The following OAS3 variants were observed in gnomAD, a reference collection of about 807,000 sequenced individuals.
OAS3 encodes 2'-5'-oligoadenylate synthetase 3, also known as 2'-5'-oligoadenylate synthase 3.
OAS3 carries 107 observed loss-of-function variants against 113.0 expected under a neutral mutation model. The ratio of observed to expected loss-of-function variants is 0.95; its 90% confidence interval spans 0.81 to 1.11. The LOEUF is 1.11. Ranked by LOEUF, OAS3 falls within the 50% of genes most tolerant of loss-of-function variation. The pLI is 0.00. For missense variants in OAS3, 1,258 were observed against 1,389.1 expected (o/e 0.91, Z 1.50); for synonymous variants, 552 against 573.6 (o/e 0.96, Z 0.54).
intron 8 of OAS3, among the ~76,000 whole-genome samples, chr12:112,962,063 C>G (rs1421335286): frequency 1.3e-5 from 2 of 152,216 alleles, no homozygotes; most frequent in East Asian, 3.9e-4. Context: ...TCCCAAAATG[C>G]TAGAATTACA....
chr12:112,964,684 C>T (rs943824457), intron 11 of OAS3, among the ~76,000 whole-genome samples: 3 of 151,856 alleles, frequency 2.0e-5, no homozygotes, highest in African/African-American at 4.8e-5. Flanking sequence ...GGCTGCTTAC[C>T]GGCATAGCTA....
At chr12:112,969,804 G>A in intron 15 of OAS3, 49 bp downstream of exon 15, 2 of 1,604,786 alleles carry the variant, frequency 1.2e-6, no homozygotes, top group Non-Finnish European at 8.5e-7. Context: ...GGTAAGGGGG[G>A]AGCATGGTCA....
intron 1 of OAS3, among the ~76,000 whole-genome samples, chr12:112,939,247 A>T (rs1168196231): frequency 6.8e-6 from 1 of 147,622 alleles, no homozygotes; most frequent in Non-Finnish European, 1.5e-5. Flanking sequence ...GTATTATTGT[A>T]CCTGTTTTAT....
chr12:112,939,828 G>C (rs2043663226), intron 1 of OAS3, among the ~76,000 whole-genome samples: 1 of 152,218 alleles, frequency 6.6e-6, no homozygotes, highest in Non-Finnish European at 1.5e-5. Flanking sequence ...GTGTGCTAGA[G>C]GAGGTTGTCA....
intron 7 of OAS3, among the ~76,000 whole-genome samples, chr12:112,953,182 C>T (rs1020418571): frequency 1.3e-5 from 2 of 152,078 alleles, no homozygotes; most frequent in Non-Finnish European, 2.9e-5. Context: ...GTTCCCCACC[C>T]CGTGTCCAAG....
At position 112,972,075 on chromosome 12, in the gene OAS3, C is replaced by T. The variant is rs1317394329; in HGVS notation, c.*2102C>T. On this transcript the variant is annotated 3_prime_UTR_variant, in exon 16 of 16. Transcript: ENST00000228928. ...CCAAGTTGTCCAGCAGCAGAGTGGC[C>T]CTGGCCTGGGCATCACAAGCCAGTG... 1 of 152,266 alleles carries T rather than the reference C, an allele frequency of 6.6e-6. No homozygotes were observed. The highest frequency in any genetic ancestry group is 1.5e-5 in the Non-Finnish European group (1 of 68,068). 9.4% of individuals were successfully genotyped at this position (152,266 alleles called of 1,614,324 possible). A position where few individuals can be genotyped will look rare whatever the true frequency, so the allele number is the denominator to read the frequency against.
chr12:112,949,439 A>G (rs2043768697), intron 6 of OAS3, among the ~76,000 whole-genome samples: 1 of 152,044 alleles, frequency 6.6e-6, no homozygotes, highest in African/African-American at 2.4e-5. Context: ...CCTCAGCTCA[A>G]AATTCTCCAT....
intron 4 of OAS3, 84 bp downstream of exon 4, chr12:112,947,065 C>T (rs1201879056): frequency 1.7e-6 from 2 of 1,172,806 alleles, no homozygotes; most frequent in African/African-American, 1.5e-5. Flanking sequence ...GTTACATCTA[C>T]TGAGTGCTTG....
At chr12:112,957,130 G>T (rs1431037454) in intron 7 of OAS3, among the ~76,000 whole-genome samples, 1 of 152,112 alleles carries the variant, frequency 6.6e-6, no homozygotes. Flanking sequence ...TTGGTTTAAA[G>T]TCCCTTTTAT....
chr12:112,944,834 C>G, intron 3 of OAS3, 183 bp downstream of exon 3: 1 of 648,658 alleles, frequency 1.5e-6, no homozygotes, highest in East Asian at 2.8e-5. Flanking sequence ...TGTTGAAGCT[C>G]TTTATATATT....
chr12:112,969,595 G>T lies in OAS3; in HGVS notation c.3105-13G>T, dbSNP rs1262375218. ...TTGCCAGGAATAAGACTGTCCCTGGGTGGGAATTGCAGGCCTATCATCCTG... is the reference window on the plus strand; with the variant it reads ...TTGCCAGGAATAAGACTGTCCCTGGTTGGGAATTGCAGGCCTATCATCCTG... On this transcript the variant is annotated splice_polypyrimidine_tract_variant and intron_variant, in intron 14 of 15. Coordinates refer to ENST00000228928, the MANE Select transcript of OAS3 (RefSeq NM_006187.4). 3 of 1,591,060 alleles carry T rather than the reference G, an allele frequency of 1.9e-6. No individual in the cohort carries two copies. In the African/African-American group the frequency reaches 4.0e-5, roughly 21 times the overall value.
intron 1 of OAS3, among the ~76,000 whole-genome samples, 163 bp from the exon 2 acceptor site, chr12:112,941,407 G>C (rs2043678269): frequency 6.6e-6 from 1 of 152,096 alleles, no homozygotes; most frequent in Non-Finnish European, 1.5e-5. Context: ...TTGAAATCTC[G>C]AGCCTGGCTA....
At position 112,965,900 on chromosome 12, in the gene OAS3, C is replaced by T. The variant is rs767921963; in HGVS notation, c.2560C>T (p.Arg854Trp). The change falls in exon 12 of 16, where the codon CGG becomes TGG. Residue 854 changes from arginine (R) to tryptophan (W), a missense_variant. Arg to Trp is a moderately radical substitution (Grantham distance 101). Transcript: ENST00000228928. ...RAQLEACQQERQFEVKFEVSK... is the reference protein window; with the variant it reads ...RAQLEACQQEWQFEVKFEVSK... Reference sequence around the variant, plus strand: ...CCAGCTGGAGGCATGTCAACAGGAGCGGCAGTTCGAGGTCAAGTTTGAAGT... The same window carrying T: ...CCAGCTGGAGGCATGTCAACAGGAGTGGCAGTTCGAGGTCAAGTTTGAAGT... 103 of 1,613,368 alleles carry T rather than the reference C, an allele frequency of 6.4e-5. No homozygotes were observed. The highest frequency in any genetic ancestry group is 1.6e-4 in the East Asian group (7 of 44,884).
chr12:112,950,987 CA>C lies in OAS3; in HGVS notation c.1657+13del, dbSNP rs2043786736. On this transcript the variant is annotated intron_variant, in intron 7 of 15. Transcript: ENST00000228928. ...CTTCGATGCTGTGGGTGAGGGCGCC[CA>C]GCCTGTCCCTTGGAGAGTGATAGGG... is the stretch of plus-strand genomic sequence containing the variant. The C allele has an allele frequency of 1.9e-6, 3 of 1,609,638 alleles. No individual in the cohort carries two copies. The highest frequency in any genetic ancestry group is 2.5e-6 in the Non-Finnish European group (3 of 1,177,890).
chr12:112,946,328 G>C (rs1221702757), intron 3 of OAS3, among the ~76,000 whole-genome samples: 1 of 152,100 alleles, frequency 6.6e-6, no homozygotes, highest in Non-Finnish European at 1.5e-5. Context: ...GGAGTGAGGA[G>C]GGAAGGACAG....
rs1221658653 is a variant in OAS3 at position 112,950,858 on chromosome 12, A to G, written c.1540A>G (p.Ser514Gly). The stretch of plus-strand genomic sequence containing the variant: ...ATCCTGGTGGCAGGACCAGGTGCCC[A>G]GCCTGAGCCTTCAGTTTCCTGAGCA... Reference protein sequence around the residue: ...LESWWQDQVPSLSLQFPEQNV... With the variant: ...LESWWQDQVPGLSLQFPEQNV... Residue 514 changes from serine to glycine, a missense_variant, in exon 7 of 16, where the codon AGC becomes GGC. By Grantham distance (56) the Ser-to-Gly change is moderately conservative. Coordinates refer to ENST00000228928, the MANE Select transcript of OAS3 (RefSeq NM_006187.4). 8.7e-6 allele frequency: 14 copies of G among 1,613,970 alleles called. No individual in the cohort carries two copies. The highest frequency in any genetic ancestry group is 1.2e-5 in the Non-Finnish European group (14 of 1,179,914).
Position 112,963,956 on chromosome 12 carries a change from C to T in OAS3, c.2230-279C>T, listed in dbSNP as rs2043911475. Reference sequence around the variant, plus strand: ...CATTTACTATTTTGCAGCAGGGTCTCATAACCAGCATTTAATACTCAGGAC... The same window carrying T: ...CATTTACTATTTTGCAGCAGGGTCTTATAACCAGCATTTAATACTCAGGAC... On this transcript the variant is annotated intron_variant, in intron 10 of 15. Transcript: ENST00000228928. The surrounding 1 kb of genome is among the most constrained non-coding windows in gnomAD (Gnocchi z 4.6). 6.6e-6 allele frequency among the ~76,000 whole-genome samples: 1 copy of T among 152,208 alleles called. No homozygotes were observed. The highest frequency in any genetic ancestry group is 6.5e-5 in the Admixed American group (1 of 15,288).
At position 112,949,162 on chromosome 12, in the gene OAS3, G is replaced by A. The variant is rs1236993273; in HGVS notation, c.1331G>A (p.Cys444Tyr). 12 of 1,613,370 alleles carry A rather than the reference G, an allele frequency of 7.4e-6. No individual in the cohort carries two copies. The Middle Eastern group carries it at 4.9e-4, about 66-fold the overall frequency. ...VKKAIDIILRCLHENCVHKAS... is the reference protein window; with the variant it reads ...VKKAIDIILRYLHENCVHKAS... The stretch of plus-strand genomic sequence containing the variant: ...AAGGCCATTGACATCATCTTGCGCT[G>A]CCTCCATGAGAACTGTGTTCACAAG... Residue 444 changes from cysteine to tyrosine, a missense_variant, in exon 6 of 16, where the codon TGC (cysteine) becomes TAC (tyrosine). Physicochemically the swap from Cys to Tyr is radical, Grantham distance 194 (BLOSUM62 -2). Transcript: ENST00000228928.
Position 112,972,763 on chromosome 12 carries a change from G to A in OAS3, c.*2790G>A, listed in dbSNP as rs1379685185. On this transcript the variant is annotated 3_prime_UTR_variant, in exon 16 of 16. Transcript: ENST00000228928. ...CAGCAATTGAAAGCTAAGTGAGAGA[G>A]CCAGAGGGCCTCCTTGGTGGTAAAA... The A allele has an allele frequency of 6.6e-6, 1 of 152,182 alleles. No individual in the cohort carries two copies. Among genetic ancestry groups the A allele is most frequent in the East Asian group, 1.9e-4 (1 of 5,204 alleles). 9.4% of individuals were successfully genotyped at this position (152,182 alleles called of 1,614,324 possible). A position where few individuals can be genotyped will look rare whatever the true frequency, so the allele number is the denominator to read the frequency against.
Sources: allele counts gnomAD v4.1 joint callset (sites outside exome capture counted in the v4.1 genomes callset), GRCh38; gene constraint gnomAD v4.1.1; non-coding constraint Gnocchi (gnomAD v3.1); transcripts MANE v1.5; gene names NCBI Gene and HGNC (gene_info 2026-07-23, HGNC 2026-07-21).